Variants in FAM117B observed in about 807,000 individuals in gnomAD.
The protein encoded by FAM117B is protein FAM117B.
Under a neutral mutation model 52.8 loss-of-function variants are expected in FAM117B, and 22 were observed. The ratio of observed to expected loss-of-function variants is 0.42; its 90% CI spans 0.30 to 0.59. The LOEUF (loss-of-function observed/expected upper bound fraction) is 0.59. Ranked by LOEUF, FAM117B falls within the 20% of genes least tolerant of loss-of-function variation. The probability of loss-of-function intolerance (pLI) is 0.22; values close to 1 mark genes in which losing one functional copy is unlikely to be tolerated. For synonymous variants in FAM117B, 309 were observed against 324.1 expected (o/e 0.95, Z 0.50); for missense variants, 678 against 802.6 (o/e 0.84, Z 1.88).
At chr2:202,701,297 A>T (rs1028030077) in intron 2 of FAM117B, among the ~76,000 whole-genome samples, 1 of 152,166 alleles carries the variant, frequency 6.6e-6, no homozygotes. Flanking sequence ...CACCATTGAG[A>T]CCTACTGTTC....
At chr2:202,667,347 C>T (rs13403001) in intron 1 of FAM117B, among the ~76,000 whole-genome samples, 12,385 of 150,756 alleles carry the variant, frequency 0.082, 1,678 homozygotes, top group African/African-American at 0.28. Flanking sequence ...GTGATCCACC[C>T]GCCTCGGCCT....
chr2:202,635,164 C>T lies in FAM117B; in HGVS notation c.-24C>T. The T allele has an allele frequency of 7.9e-7, 1 of 1,263,682 alleles. No individual in the cohort carries two copies. The highest frequency in any genetic ancestry group is 1.0e-6 in the Non-Finnish European group (1 of 1,003,484). 78.3% of individuals were successfully genotyped at this position (1,263,682 alleles called of 1,614,324 possible). The stretch of plus-strand genomic sequence containing the variant: ...CAACAACAAAACCCCCCGTCTCGCC[C>T]AGTCACCGGGGAGGGGGGGGACCAT... On this transcript the variant is annotated 5_prime_UTR_variant, in exon 1 of 8. Coordinates refer to ENST00000392238, the MANE Select transcript of FAM117B (RefSeq NM_173511.4).
In FAM117B at chr2:202,635,262, C is replaced by T; in HGVS notation, c.75C>T (p.Ala25=). The T allele has an allele frequency of 7.3e-7, 1 of 1,375,944 alleles. No homozygotes were observed. The highest frequency in any genetic ancestry group is 9.4e-7 in the Non-Finnish European group (1 of 1,062,164). 85.2% of individuals were successfully genotyped at this position (1,375,944 alleles called of 1,614,324 possible). The change falls in exon 1 of 8, where the codon GCC becomes GCT. Residue 25 remains alanine (A), a synonymous_variant. Coordinates refer to ENST00000392238, the MANE Select transcript of FAM117B (RefSeq NM_173511.4). The part of the protein sequence containing the change: ...GSLGGGAVAT[A]GGPGSRLQPM... ...TTGGGGGTGGTGCGGTGGCCACGGC[C>T]GGGGGACCCGGGAGCCGCTTGCAGC...
At chr2:202,667,813 G>A (rs1332853862) in intron 1 of FAM117B, among the ~76,000 whole-genome samples, 1 of 152,108 alleles carries the variant, frequency 6.6e-6, no homozygotes, top group Non-Finnish European at 1.5e-5. Context: ...GACAGATGAG[G>A]AGATAATTGA....
chr2:202,734,802 T>G (rs1271518412), intron 4 of FAM117B, among the ~76,000 whole-genome samples: 1 of 152,370 alleles, frequency 6.6e-6, no homozygotes, highest in East Asian at 1.9e-4. Flanking sequence ...GTAAACAGAC[T>G]TGGTTTCCTT....
At position 202,654,246 on chromosome 2, in the gene FAM117B, C is replaced by T. The variant is rs550403873; in HGVS notation, c.601+18458C>T. ...ACACTTACTGAGATATAAAATATAT[C>T]CAGAAAAGTCTACCTCAAAAAAAAA... On this transcript the variant is annotated intron_variant, in intron 1 of 7. Transcript: ENST00000392238. 8.5e-4 allele frequency among the ~76,000 whole-genome samples: 127 copies of T among 148,686 alleles called. No individual in the cohort carries two copies. In the South Asian group the frequency reaches 9.8e-3, roughly 11 times the overall value.
chr2:202,725,259 G>T, intron 3 of FAM117B: 3 of 240,314 alleles, frequency 1.2e-5, no homozygotes, highest in Non-Finnish European at 2.4e-5. Context: ...ATTAACATCA[G>T]ATTTAAAAAT....
chr2:202,765,117 T>G lies in FAM117B; in HGVS notation c.1452-329T>G, dbSNP rs371414729. On this transcript the variant is annotated intron_variant, in intron 7 of 7. Coordinates refer to ENST00000392238, the MANE Select transcript of FAM117B (RefSeq NM_173511.4). The stretch of plus-strand genomic sequence containing the variant: ...TTCTTTTGCTATAGGAAATTCATTA[T>G]TCCCTTGACCGTCTTAGCTCATCAT... 5.9e-5 allele frequency among the ~76,000 whole-genome samples: 9 copies of G among 152,338 alleles called. No individual in the cohort carries two copies. In the South Asian group the frequency reaches 8.3e-4, roughly 14 times the overall value.
Position 202,635,049 on chromosome 2 carries a change from G to A in FAM117B, c.-139G>A, listed in dbSNP as rs1689647981. The A allele has an allele frequency of 2.6e-6, 3 of 1,137,236 alleles. No homozygotes were observed. Among genetic ancestry groups the A allele is most frequent in the Non-Finnish European group, 3.3e-6 (3 of 900,802 alleles). 70.4% of individuals were successfully genotyped at this position (1,137,236 alleles called of 1,614,324 possible). A position where few individuals can be genotyped will look rare whatever the true frequency, so the allele number is the denominator to read the frequency against. On this transcript the variant is annotated 5_prime_UTR_variant, in exon 1 of 8. Coordinates refer to ENST00000392238, the MANE Select transcript of FAM117B (RefSeq NM_173511.4). ...ACCTCGTTGCTGCCTGCCCCGGCCC[G>A]GTCTCCCCCTGCACCCCGGAGTCCG...
chr2:202,691,694 T>C (rs397873557), intron 1 of FAM117B, among the ~76,000 whole-genome samples: 234 of 132,840 alleles, frequency 1.8e-3, no homozygotes, highest in East Asian at 0.012. Flanking sequence ...TGTGTGTGTG[T>C]GTGTGCGCGC....
At chr2:202,736,723 A>G (rs1691443924) in intron 4 of FAM117B, among the ~76,000 whole-genome samples, 1 of 152,026 alleles carries the variant, frequency 6.6e-6, no homozygotes, top group African/African-American at 2.4e-5. Context: ...TATTGCCCCT[A>G]CCGCACTCTA....
At chr2:202,693,173 C>T (rs1574558286) in intron 1 of FAM117B, among the ~76,000 whole-genome samples, 1 of 152,092 alleles carries the variant, frequency 6.6e-6, no homozygotes, top group African/African-American at 2.4e-5. Context: ...AAAAGTGTTT[C>T]TATTGTTTTA....
intron 1 of FAM117B, among the ~76,000 whole-genome samples, chr2:202,684,278 A>G (rs910640235): frequency 6.6e-6 from 1 of 152,120 alleles, no homozygotes; most frequent in Non-Finnish European, 1.5e-5. Flanking sequence ...ATTTAGTAGT[A>G]AAAAAATCAA....
Position 202,733,026 on chromosome 2 carries a change from C to T in FAM117B, c.960+6663C>T, listed in dbSNP as rs537911392. 6.6e-5 allele frequency among the ~76,000 whole-genome samples: 10 copies of T among 152,132 alleles called. No homozygotes were observed. In the South Asian group the frequency reaches 1.0e-3, roughly 16 times the overall value. On this transcript the variant is annotated intron_variant, in intron 4 of 7. Transcript: ENST00000392238. ...CGTAGGTTCTATTTTCCCTAAGTGT[C>T]GGCTAGTCTGAGAAATAAAGAGAAA...
intron 2 of FAM117B, among the ~76,000 whole-genome samples, chr2:202,702,831 G>A (rs1414492322): frequency 1.3e-5 from 2 of 152,160 alleles, no homozygotes; most frequent in African/African-American, 2.4e-5. Flanking sequence ...GGGATTACAG[G>A]TGTGAGCCAC....
chr2:202,641,649 T>A (rs946885477), intron 1 of FAM117B, among the ~76,000 whole-genome samples: 3 of 151,704 alleles, frequency 2.0e-5, no homozygotes, highest in African/African-American at 7.3e-5. Context: ...TTCTTTTTTT[T>A]TTTTTTTGAG....
At chr2:202,646,031 GTT>G (rs774262277) in intron 1 of FAM117B, among the ~76,000 whole-genome samples, 1 of 137,776 alleles carries the variant, frequency 7.3e-6, no homozygotes. Flanking sequence ...AAAGTTTTTT[GTT>G]TTTTTTTTTT....
intron 6 of FAM117B, 93 bp downstream of exon 6, chr2:202,757,531 TCGAG>T: frequency 7.9e-7 from 1 of 1,271,670 alleles, no homozygotes; most frequent in African/African-American, 1.5e-5. Flanking sequence ...ACACACACAC[TCGAG>T]GCTACTCAGT....
At chr2:202,742,716 A>G (rs992398326) in intron 4 of FAM117B, among the ~76,000 whole-genome samples, 1 of 152,024 alleles carries the variant, frequency 6.6e-6, no homozygotes, top group Non-Finnish European at 1.5e-5. Context: ...TAAACCAAGT[A>G]TAAAAACTGA....
Sources: allele counts gnomAD v4.1 joint callset (sites outside exome capture counted in the v4.1 genomes callset), GRCh38; gene constraint gnomAD v4.1.1; transcripts MANE v1.5; gene names NCBI Gene and HGNC (gene_info 2026-07-23, HGNC 2026-07-21).